Variants in MAP4K3 observed in about 807,000 individuals in gnomAD.
The protein encoded by MAP4K3 is mitogen-activated protein kinase kinase kinase kinase 3.
A neutral mutation model predicts 143.5 loss-of-function variants in MAP4K3; 94 were observed. The observed-to-expected ratio is 0.65, with a 90% CI of 0.55 to 0.78. MAP4K3 has a LOEUF of 0.78. Ranked by LOEUF, MAP4K3 falls within the 30% of genes least tolerant of loss-of-function variation. The pLI is 0.00. For synonymous variants in MAP4K3, 416 were observed against 347.2 expected, an observed-to-expected ratio of 1.20 and a Z score of -2.20; for missense variants, 1,077 against 1,068.1, an observed-to-expected ratio of 1.01 and a Z score of -0.12.
chr2:39,261,585 T>A (rs1401218504), intron 28 of MAP4K3, among the ~76,000 whole-genome samples: 1 of 152,220 alleles, frequency 6.6e-6, no homozygotes, highest in African/African-American at 2.4e-5. Context: ...TATTTATTAA[T>A]GCTGGAAGTA....
At chr2:39,331,485 T>C (rs1683679313) in intron 8 of MAP4K3, among the ~76,000 whole-genome samples, 1 of 152,106 alleles carries the variant, frequency 6.6e-6, no homozygotes, top group Admixed American at 6.6e-5. Context: ...GAAATCTGCA[T>C]TTGATCCTAT....
Position 39,363,582 on chromosome 2 carries a change from T to G in MAP4K3, c.155-7243A>C, listed in dbSNP as rs528911956. Among the ~76,000 whole-genome samples, 141 of 148,728 alleles carry G rather than the reference T, an allele frequency of 9.5e-4. 1 individual carries two copies. Among genetic ancestry groups the G allele is most frequent in the African/African-American group, 3.1e-3 (127 of 40,634 alleles). On this transcript the variant is annotated intron_variant, in intron 2 of 33. Coordinates refer to ENST00000263881, the MANE Select transcript of MAP4K3 (RefSeq NM_003618.4). ...TACTTTGGAGACTGAGGTGGGAGAA[T>G]TGCTTGAACCCAGGAGGTGGAGGTT...
chr2:39,422,309 T>C (rs1667570427), intron 1 of MAP4K3, among the ~76,000 whole-genome samples: 7 of 152,110 alleles, frequency 4.6e-5, no homozygotes, highest in Admixed American at 3.9e-4. Context: ...CTAGACTCAA[T>C]AGTCTTCTCC....
In MAP4K3 at chr2:39,271,581, AAACTAATT is replaced by A. The variant is rs1474577383; in HGVS notation, c.1973+694_1973+701del. On this transcript the variant is annotated intron_variant, in intron 26 of 33. Transcript: ENST00000263881. ...TAGAAAGGCAAAACCACTCAACTTC[AAACTAATT>A]ATCTTCTAATGCAAAACACTGAGAC... 3.9e-5 allele frequency among the ~76,000 whole-genome samples: 6 copies of A among 152,314 alleles called. No individual in the cohort carries two copies. The East Asian group carries it at 9.6e-4, about 24-fold the overall frequency.
chr2:39,360,850 C>T (rs1159913983), intron 2 of MAP4K3, among the ~76,000 whole-genome samples: 3 of 152,154 alleles, frequency 2.0e-5, no homozygotes, highest in Non-Finnish European at 4.4e-5. Flanking sequence ...GCAATTACCT[C>T]CCACAAAGTC....
At chr2:39,305,786 T>A (rs1382131719) in intron 15 of MAP4K3, among the ~76,000 whole-genome samples, 1 of 152,008 alleles carries the variant, frequency 6.6e-6, no homozygotes, top group Non-Finnish European at 1.5e-5. Flanking sequence ...CTTATTCAAG[T>A]TACTAGGCTA....
chr2:39,280,618 C>A (rs1252746099), intron 22 of MAP4K3, among the ~76,000 whole-genome samples: 2 of 151,678 alleles, frequency 1.3e-5, no homozygotes, highest in Non-Finnish European at 2.9e-5. Flanking sequence ...ATCTTTTCAA[C>A]TAAACAAAGC....
chr2:39,284,155 T>C (rs1170984478), intron 21 of MAP4K3, among the ~76,000 whole-genome samples: 1 of 152,152 alleles, frequency 6.6e-6, no homozygotes, highest in Non-Finnish European at 1.5e-5. Context: ...AAACATCTTT[T>C]TTTGTTGTTG....
intron 12 of MAP4K3, among the ~76,000 whole-genome samples, chr2:39,321,650 C>T (rs1473031422): frequency 6.6e-6 from 1 of 152,280 alleles, no homozygotes; most frequent in East Asian, 1.9e-4. Context: ...AAGAGGAAGG[C>T]ATCTGTCTCC....
At chr2:39,293,965 G>A (rs1682162951) in intron 16 of MAP4K3, 1 of 152,112 alleles carries the variant, frequency 6.6e-6, no homozygotes, top group Non-Finnish European at 1.5e-5. Flanking sequence ...TTAATTTTCA[G>A]GAATGTAAGA....
At chr2:39,303,556 T>C (rs1682588546) in intron 15 of MAP4K3, among the ~76,000 whole-genome samples, 4 of 152,186 alleles carry the variant, frequency 2.6e-5, no homozygotes, top group Admixed American at 6.5e-5. Context: ...TGTTTGTTTT[T>C]GAGATGCAGT....
At chr2:39,273,784 T>C (rs1681134972) in intron 24 of MAP4K3, among the ~76,000 whole-genome samples, 2 of 152,246 alleles carry the variant, frequency 1.3e-5, no homozygotes, top group African/African-American at 2.4e-5. Context: ...AATGTGCCTA[T>C]ACCTGTGCCT....
Position 39,280,351 on chromosome 2 carries a change from A to G in MAP4K3, c.1635T>C (p.Gly545=). The G allele has an allele frequency of 6.3e-7, 1 of 1,598,470 alleles. No homozygotes were observed. Among genetic ancestry groups the G allele is most frequent in the Admixed American group, 1.7e-5 (1 of 59,676 alleles). Residue 545 remains glycine, a synonymous_variant, in exon 23 of 34, where the codon GGT becomes GGC. Coordinates refer to ENST00000263881, the MANE Select transcript of MAP4K3 (RefSeq NM_003618.4). ...CATTAAAAACTTTTGAAAAACATGC[A>G]CCCATCTAGGGAAACAAAGAATAAC... ...GLPPTPKVHM[G]ACFSKVFNGC... is the part of the protein sequence containing the mutation.
Position 39,343,413 on chromosome 2 carries a change from AC to A in MAP4K3, c.284del (p.Gly95ValfsTer10). 1 of 1,613,168 alleles carries A rather than the reference AC, an allele frequency of 6.2e-7. No homozygotes were observed. The highest frequency in any genetic ancestry group is 8.5e-7 in the Non-Finnish European group (1 of 1,179,482). The part of the protein sequence containing the change: ...KLWICMEFCG[G>X]GSLQDIYHVT... Reference sequence around the variant, plus strand: ...CGTGATAAATATCCTGTAAAGAACCACCTCCACAAAACTCCATGCAAATCCA... The same window carrying A: ...CGTGATAAATATCCTGTAAAGAACCACTCCACAAAACTCCATGCAAATCCA... On this transcript the variant is annotated frameshift_variant, in exon 4 of 34. Transcript: ENST00000263881. LOFTEE classifies it high-confidence loss of function.
intron 4 of MAP4K3, among the ~76,000 whole-genome samples, chr2:39,340,568 A>T (rs1252038872): frequency 6.6e-6 from 1 of 152,220 alleles, no homozygotes; most frequent in African/African-American, 2.4e-5. Flanking sequence ...ATGACAACCT[A>T]TTTCTGTAAC....
intron 23 of MAP4K3, among the ~76,000 whole-genome samples, chr2:39,279,087 A>C (rs1163196118): frequency 6.6e-6 from 1 of 152,170 alleles, no homozygotes. Flanking sequence ...TTTATTAAAA[A>C]GACTTTAGAA....
chr2:39,283,482 A>C (rs1006993736), intron 21 of MAP4K3, among the ~76,000 whole-genome samples: 3 of 151,890 alleles, frequency 2.0e-5, no homozygotes, highest in Non-Finnish European at 2.9e-5. Flanking sequence ...ATCTTTTTTC[A>C]TATCTATTTG....
chr2:39,429,723 T>C (rs562434714), intron 1 of MAP4K3, among the ~76,000 whole-genome samples: 147 of 152,264 alleles, frequency 9.7e-4, no homozygotes, highest in South Asian at 2.1e-3. Flanking sequence ...GATTCAAAAA[T>C]TTGTATGGAA....
intron 29 of MAP4K3, among the ~76,000 whole-genome samples, chr2:39,260,289 C>T (rs6736700): frequency 0.89 from 134,846 of 152,076 alleles, 59,921 homozygotes; most frequent in Non-Finnish European, 0.91. Context: ...AACTTACATG[C>T]AATTTTTTTA....
Sources: gnomAD v4.1 joint callset for allele counts (sites outside exome capture counted in the v4.1 genomes callset) on GRCh38, gnomAD v4.1.1 for gene constraint, MANE v1.5 for transcripts, NCBI Gene and HGNC (gene_info 2026-07-23, HGNC 2026-07-21) for gene names.